Variants in TRMT11 observed in about 807,000 individuals in gnomAD.
The protein encoded by TRMT11 is tRNA (guanine(10)-N(2))-methyltransferase TRMT11.
TRMT11 carries 53 observed loss-of-function variants against 62.8 expected under a neutral mutation model. That is an observed-to-expected ratio of 0.84 (90% CI 0.68 to 1.06). The LOEUF (loss-of-function observed/expected upper bound fraction) is 1.06. Ranked by LOEUF, TRMT11 falls within the 50% of genes least tolerant of loss-of-function variation. The pLI is 0.00. For synonymous variants in TRMT11, 188 were observed against 190.3 expected (o/e 0.99, Z 0.10); for missense variants, 556 against 553.4 (o/e 1.00, Z -0.05).
the TRMT11 span, among the ~76,000 whole-genome samples, chr6:126,222,524 G>A: frequency 1.3e-5 from 2 of 151,352 alleles, no homozygotes; most frequent in Non-Finnish European, 1.5e-5. Flanking sequence ...AATTTTCATT[G>A]TAGAGATGTT....
At chr6:126,240,685 A>C in the TRMT11 span, among the ~76,000 whole-genome samples, 3 of 152,318 alleles carry the variant, frequency 2.0e-5, no homozygotes, top group South Asian at 6.2e-4. Flanking sequence ...CAGTCTGTCC[A>C]TTCTCAGGTC....
chr6:126,179,412 T>C lies in TRMT11; in HGVS notation n.143+2077T>C, dbSNP rs368680410. On this transcript the variant is annotated intron_variant and non_coding_transcript_variant, in intron 1 of 3. Transcript: ENST00000444229. ...TATATACATGCTCTGATTGAACTTG[T>C]TTGAACCCATCAGAGTACTCTTACT... Among the ~76,000 whole-genome samples the C allele has an allele frequency of 5.9e-5, 9 of 152,312 alleles. No individual in the cohort carries two copies. The East Asian group carries it at 1.2e-3, about 20-fold the overall frequency.
intron 1 of TRMT11, among the ~76,000 whole-genome samples, chr6:126,190,199 C>G (rs138477396): frequency 0.01 from 1,591 of 152,126 alleles, 21 homozygotes; most frequent in African/African-American, 0.037. Flanking sequence ...CTTCATCTAC[C>G]CGCTTTCCCC....
At chr6:126,053,731 A>G (rs1776286010) in intron 17 of TRMT11, among the ~76,000 whole-genome samples, 1 of 151,988 alleles carries the variant, frequency 6.6e-6, no homozygotes, top group African/African-American at 2.4e-5. Flanking sequence ...TCGAGGAACA[A>G]ACTGTCTTTT....
At chr6:126,107,991 A>T (rs1001241161) in intron 17 of TRMT11, among the ~76,000 whole-genome samples, 1 of 152,224 alleles carries the variant, frequency 6.6e-6, no homozygotes, top group Non-Finnish European at 1.5e-5. Flanking sequence ...CTCTGATTAT[A>T]TGTCCTCGAC....
intron 21 of TRMT11, among the ~76,000 whole-genome samples, chr6:126,151,943 C>CTTTCTTTCTTTCTTTCTTTCTTTCT (rs1554242330): frequency 1.0e-3 from 34 of 33,928 alleles, no homozygotes; most frequent in African/African-American, 3.4e-3. Context: ...TTCTTTCTTT[C>CTTTCTTTCTTTCTTTCTTTCTTTCT]TTTTCTTTCT....
At chr6:126,001,741 C>G (rs995775317) in intron 7 of TRMT11, among the ~76,000 whole-genome samples, 51 of 152,168 alleles carry the variant, frequency 3.4e-4, no homozygotes, top group Admixed American at 3.0e-3. Context: ...ATAATTCTTT[C>G]CTGAACCAGT....
At chr6:126,006,766 TAAA>T (rs942628613) in intron 7 of TRMT11, 1 of 151,212 alleles carries the variant, frequency 6.6e-6, no homozygotes, top group African/African-American at 2.4e-5. Flanking sequence ...TGATTTTATT[TAAA>T]AAAAAATAAA....
intron 17 of TRMT11, among the ~76,000 whole-genome samples, chr6:126,085,115 G>T (rs1185091231): frequency 2.0e-5 from 3 of 151,762 alleles, no homozygotes; most frequent in Non-Finnish European, 4.4e-5. Flanking sequence ...ACTATGTGAG[G>T]TGATGGGTAT....
At chr6:126,007,071 A>G (rs1046933355) in intron 7 of TRMT11, 2 of 152,014 alleles carry the variant, frequency 1.3e-5, no homozygotes, top group African/African-American at 4.8e-5. Context: ...GGAATGTTCC[A>G]TTTCCAGAGT....
chr6:126,208,750 A>G (rs1778812874), downstream of TRMT11, among the ~76,000 whole-genome samples: 1 of 152,268 alleles, frequency 6.6e-6, no homozygotes, highest in Non-Finnish European at 1.5e-5. Flanking sequence ...CAACTTTCTC[A>G]ATCACATAGT....
chr6:126,024,119 A>G, intron 12 of TRMT11, among the ~76,000 whole-genome samples: 1 of 152,344 alleles, frequency 6.6e-6, no homozygotes, highest in African/African-American at 2.4e-5. Context: ...TATACAACTG[A>G]ATATTGTTTT....
At chr6:126,109,941 C>G (rs1387583659) in intron 17 of TRMT11, among the ~76,000 whole-genome samples, 1 of 152,174 alleles carries the variant, frequency 6.6e-6, no homozygotes, top group African/African-American at 2.4e-5. Flanking sequence ...TGGCACCAAG[C>G]ATGACTTGAA....
At chr6:126,158,537 A>T (rs766089888) in intron 21 of TRMT11, among the ~76,000 whole-genome samples, 1 of 152,152 alleles carries the variant, frequency 6.6e-6, no homozygotes, top group Non-Finnish European at 1.5e-5. Flanking sequence ...TCTATTATAT[A>T]ATAGGTTCTT....
chr6:126,016,205 G>A (rs1472102143), intron 11 of TRMT11, among the ~76,000 whole-genome samples: 1 of 152,078 alleles, frequency 6.6e-6, no homozygotes, highest in Non-Finnish European at 1.5e-5. Flanking sequence ...TTGGTATTCT[G>A]TAAGAAAGAG....
chr6:126,209,657 C>T, the TRMT11 span, among the ~76,000 whole-genome samples: 11 of 151,892 alleles, frequency 7.2e-5, no homozygotes, highest in African/African-American at 1.9e-4. Context: ...ACTTGGGAGG[C>T]GGAGCTTGCA....
intron 17 of TRMT11, among the ~76,000 whole-genome samples, chr6:126,055,479 A>G (rs1776346612): frequency 6.6e-6 from 1 of 152,254 alleles, no homozygotes; most frequent in African/African-American, 2.4e-5. Context: ...AGTTGTACAC[A>G]GTTCTTGGTT....
At chr6:126,055,782 C>CA (rs1776355311) in intron 17 of TRMT11, among the ~76,000 whole-genome samples, 1 of 152,158 alleles carries the variant, frequency 6.6e-6, no homozygotes, top group Admixed American at 6.5e-5. Context: ...CATGCTTCCT[C>CA]AGTGTTCTAT....
At chr6:126,086,803 C>T (rs1020320298) in intron 17 of TRMT11, among the ~76,000 whole-genome samples, 1 of 152,240 alleles carries the variant, frequency 6.6e-6, no homozygotes, top group Non-Finnish European at 1.5e-5. Flanking sequence ...TATATTTCTT[C>T]CTCTGAAGGC....
Sources: allele counts gnomAD v4.1 joint callset (sites outside exome capture counted in the v4.1 genomes callset), GRCh38; gene constraint gnomAD v4.1.1; transcripts MANE v1.5; gene names NCBI Gene and HGNC (gene_info 2026-07-23, HGNC 2026-07-21).